SLC22A3: variants seen among roughly 807,000 people sequenced by gnomAD.
SLC22A3 encodes solute carrier family 22 member 3.
Under a neutral mutation model 59.1 loss-of-function variants are expected in SLC22A3, and 51 were observed. The observed-to-expected ratio is 0.86, with a 90% CI of 0.69 to 1.09. The LOEUF is 1.09. Among genes scored for constraint, SLC22A3 ranks in the 50% least tolerant of loss-of-function variants. The probability of loss-of-function intolerance (pLI) is 0.00; values close to 1 mark genes in which losing one functional copy is unlikely to be tolerated. For synonymous variants in SLC22A3, 325 were observed against 292.0 expected (o/e 1.11, Z -1.15); for missense variants, 711 against 726.3 (o/e 0.98, Z 0.24).
chr6:160,416,149 G>T (rs1787480173), intron 5 of SLC22A3, among the ~76,000 whole-genome samples: 1 of 152,182 alleles, frequency 6.6e-6, no homozygotes. Context: ...GTTTCTGGCT[G>T]GCCTCTGGCT....
rs1787128724 is a variant in SLC22A3 at position 160,408,885 on chromosome 6, T to A, written c.821T>A (p.Ile274Asn). 7.4e-6 allele frequency: 12 copies of A among 1,613,868 alleles called. No homozygotes were observed. Among genetic ancestry groups the A allele is most frequent in the Non-Finnish European group, 1.0e-5 (12 of 1,179,868 alleles). ...AACTGGCAAGGAATCCAGTTAGCCA[T>A]CACGCTGCCCAGCTTTCTCTTCCTC... ...IPNWQGIQLA[I>N]TLPSFLFLLY... is the part of the protein sequence containing the mutation. Residue 274 changes from isoleucine to asparagine, a missense_variant, in exon 4 of 11, where the codon ATC becomes AAC. Transcript: ENST00000275300.
intron 10 of SLC22A3, among the ~76,000 whole-genome samples, chr6:160,449,924 C>T (rs1192185629): frequency 6.6e-6 from 1 of 152,136 alleles, no homozygotes; most frequent in East Asian, 1.9e-4. Context: ...ACAAAGATCA[C>T]ATGCTTCAAA....
In SLC22A3 at chr6:160,397,247, G is replaced by A. The variant is rs1704708; in HGVS notation, c.430-732G>A. Among the ~76,000 whole-genome samples, 798 of 152,104 alleles carry A rather than the reference G, an allele frequency of 5.2e-3. 11 individuals carry two copies. In the East Asian group the frequency reaches 0.062, roughly 12 times the overall value. On this transcript the variant is annotated intron_variant, in intron 1 of 10. Coordinates refer to ENST00000275300, the MANE Select transcript of SLC22A3 (RefSeq NM_021977.4). ...GTGCGCAACCGAGATTTCATGCGCC[G>A]CCCACAATAGGGTTCACGCTCCTAT...
rs138798173 is a variant in SLC22A3 at position 160,368,854 on chromosome 6, C to T, written c.429+20006C>T. Among the ~76,000 whole-genome samples the T allele has an allele frequency of 9.2e-5, 14 of 152,322 alleles. No individual in the cohort carries two copies. The East Asian group carries it at 1.7e-3, about 19-fold the overall frequency. On this transcript the variant is annotated intron_variant, in intron 1 of 10. Coordinates refer to ENST00000275300, the MANE Select transcript of SLC22A3 (RefSeq NM_021977.4). Reference sequence around the variant, plus strand: ...TCATATTTCACCGTTCTGCTCATTTCGTGCTCCCTGGTACATCTCTTATTT... The same window carrying T: ...TCATATTTCACCGTTCTGCTCATTTTGTGCTCCCTGGTACATCTCTTATTT...
At chr6:160,422,388 G>A (rs1196091154) in intron 5 of SLC22A3, among the ~76,000 whole-genome samples, 2 of 152,200 alleles carry the variant, frequency 1.3e-5, no homozygotes, top group South Asian at 2.1e-4. Flanking sequence ...AATCAATCCT[G>A]CTTTCCCTAG....
chr6:160,371,861 T>C (rs927113890), intron 1 of SLC22A3, among the ~76,000 whole-genome samples: 4 of 152,226 alleles, frequency 2.6e-5, no homozygotes, highest in Non-Finnish European at 5.9e-5. Flanking sequence ...TTTTTAATGA[T>C]TGCCATTCTA....
intron 7 of SLC22A3, among the ~76,000 whole-genome samples, chr6:160,440,500 T>C (rs947560399): frequency 6.6e-6 from 1 of 152,210 alleles, no homozygotes; most frequent in African/African-American, 2.4e-5. Context: ...CAAATCCACA[T>C]TCAGAAGAAA....
intron 1 of SLC22A3, among the ~76,000 whole-genome samples, chr6:160,363,002 C>T (rs991452076): frequency 2.6e-5 from 4 of 152,134 alleles, no homozygotes; most frequent in Non-Finnish European, 5.9e-5. Context: ...CAGGCAGCCC[C>T]GGAGCCCGCC....
intron 5 of SLC22A3, among the ~76,000 whole-genome samples, chr6:160,429,328 T>G (rs1177345153): frequency 6.6e-6 from 1 of 152,208 alleles, no homozygotes; most frequent in African/African-American, 2.4e-5. Context: ...ATTGGTGTCA[T>G]CTTTCCTTGT....
At position 160,348,867 on chromosome 6, in the gene SLC22A3, T is replaced by A; in HGVS notation, c.429+19T>A. 6.4e-7 allele frequency: 1 copy of A among 1,563,348 alleles called. No individual in the cohort carries two copies. Among genetic ancestry groups the A allele is most frequent in the Non-Finnish European group, 8.6e-7 (1 of 1,162,738 alleles). ...CAGCGAGGTAAGGGCGCCCCGGCCC[T>A]TTGGAAGCCGGCGGGAGAGGACGAT... On this transcript the variant is annotated intron_variant, in intron 1 of 10. Transcript: ENST00000275300.
chr6:160,419,374 T>C (rs1241581865), intron 5 of SLC22A3, among the ~76,000 whole-genome samples: 1 of 152,214 alleles, frequency 6.6e-6, no homozygotes, highest in Non-Finnish European at 1.5e-5. Context: ...AACCACACTA[T>C]GATTCCAACT....
At chr6:160,350,772 G>A (rs867871459) in intron 1 of SLC22A3, among the ~76,000 whole-genome samples, 41 of 152,298 alleles carry the variant, frequency 2.7e-4, no homozygotes, top group Middle Eastern at 3.4e-3. Flanking sequence ...AGGGTTACTA[G>A]CATCCCGGGG....
chr6:160,427,763 C>T (rs1485378523), intron 5 of SLC22A3, among the ~76,000 whole-genome samples: 1 of 152,200 alleles, frequency 6.6e-6, no homozygotes, highest in South Asian at 2.1e-4. Flanking sequence ...CTCTTCAAAA[C>T]AACTTTGGCT....
intron 3 of SLC22A3, among the ~76,000 whole-genome samples, chr6:160,408,018 G>T (rs1211380486): frequency 1.3e-5 from 2 of 152,174 alleles, no homozygotes; most frequent in Non-Finnish European, 2.9e-5. Context: ...GGGATTGGTT[G>T]TCACTGTCTG....
intron 1 of SLC22A3, among the ~76,000 whole-genome samples, chr6:160,384,535 G>GTGTT (rs1785921747): frequency 1.3e-5 from 2 of 152,182 alleles, no homozygotes; most frequent in Non-Finnish European, 2.9e-5. Flanking sequence ...ACACCTTAGA[G>GTGTT]ACCAGGAAAG....
intron 5 of SLC22A3, among the ~76,000 whole-genome samples, chr6:160,424,124 G>A (rs764716880): frequency 2.6e-5 from 4 of 152,056 alleles, no homozygotes; most frequent in East Asian, 1.9e-4. Flanking sequence ...TCTCCTAGCC[G>A]CTGTAACCTC....
chr6:160,420,457 T>A (rs934991544), intron 5 of SLC22A3, among the ~76,000 whole-genome samples: 4 of 152,232 alleles, frequency 2.6e-5, no homozygotes, highest in African/African-American at 9.6e-5. Flanking sequence ...TGAAAACTAT[T>A]CGTCAGAACT....
chr6:160,380,708 T>A (rs1428417114), intron 1 of SLC22A3, among the ~76,000 whole-genome samples: 3 of 152,214 alleles, frequency 2.0e-5, no homozygotes, highest in Non-Finnish European at 4.4e-5. Flanking sequence ...CAATAATCTT[T>A]TTAAAATTAT....
At chr6:160,429,646 G>A (rs1788079844) in intron 5 of SLC22A3, among the ~76,000 whole-genome samples, 1 of 152,178 alleles carries the variant, frequency 6.6e-6, no homozygotes, top group South Asian at 2.1e-4. Context: ...GGCGGGGCTT[G>A]TTCAGCAGGC....
Sources: gnomAD v4.1 joint callset for allele counts (sites outside exome capture counted in the v4.1 genomes callset) on GRCh38, gnomAD v4.1.1 for gene constraint, MANE v1.5 for transcripts, NCBI Gene and HGNC (gene_info 2026-07-23, HGNC 2026-07-21) for gene names.